The following LAMB4 variants were observed in gnomAD, a reference collection of about 807,000 sequenced individuals.
LAMB4 encodes laminin subunit beta-4.
LAMB4 carries 196 observed loss-of-function variants against 199.2 expected under a neutral mutation model. The observed-to-expected ratio is 0.98, with a 90% confidence interval of 0.88 to 1.11. The LOEUF is 1.11. LAMB4 is among the 50% of genes least tolerant of loss of function. The pLI, the probability that LAMB4 is intolerant of heterozygous loss-of-function variation, is 0.00. For synonymous variants in LAMB4, 744 were observed against 770.6 expected, an observed-to-expected ratio of 0.97 and a Z score of 0.57; for missense variants, 2,080 against 2,171.2, an observed-to-expected ratio of 0.96 and a Z score of 0.83.
chr7:108,121,515 C>T (rs1005998265), intron 2 of LAMB4, among the ~76,000 whole-genome samples: 3 of 152,088 alleles, frequency 2.0e-5, no homozygotes, highest in South Asian at 2.1e-4. Flanking sequence ...TTTGGGAGGC[C>T]GAGGTGGGTG....
At chr7:108,047,782 C>G in intron 28 of LAMB4, 126 bp downstream of exon 28, 1 of 732,268 alleles carries the variant, frequency 1.4e-6, no homozygotes, top group Non-Finnish European at 2.3e-6. Context: ...TATTTCCAGG[C>G]ACAAGAACAC....
intron 11 of LAMB4, among the ~76,000 whole-genome samples, chr7:108,096,939 C>CAAAAAAAAAAA (rs746917278): frequency 1.9e-5 from 1 of 52,822 alleles, no homozygotes; most frequent in Non-Finnish European, 3.3e-5. Context: ...CTGTCTCTCT[C>CAAAAAAAAAAA]AAAAAAAAAA....
At chr7:108,107,879 A>C (rs552664251) in intron 5 of LAMB4, 60 bp from the exon 6 acceptor site, 2 of 1,122,484 alleles carry the variant, frequency 1.8e-6, no homozygotes, top group East Asian at 5.1e-5. Context: ...TATCAACTTC[A>C]GATTGAATAT....
At chr7:108,038,383 G>A (rs538569543) in intron 29 of LAMB4, among the ~76,000 whole-genome samples, 9 of 152,054 alleles carry the variant, frequency 5.9e-5, no homozygotes, top group Non-Finnish European at 1.0e-4. Flanking sequence ...GGATGGTCTC[G>A]ATCTCCTGAC....
At chr7:108,056,163 T>C (rs536365569) in intron 24 of LAMB4, among the ~76,000 whole-genome samples, 156 bp from the exon 25 acceptor site, 2 of 152,358 alleles carry the variant, frequency 1.3e-5, no homozygotes, top group African/African-American at 2.4e-5. Flanking sequence ...ATCTGTGCAA[T>C]AGCCATTATA....
chr7:108,079,628 G>A lies in LAMB4; in HGVS notation c.1860C>T (p.Phe620=), dbSNP rs773716302. 4 of 1,609,800 alleles carry A rather than the reference G, an allele frequency of 2.5e-6. No homozygotes were observed. The highest frequency in any genetic ancestry group is 2.2e-5 in the South Asian group (2 of 89,818). ...AVNNIPFPVD[F]TIAIHYETQS... ...GGGTTTCATAGTGAATGGCAATGGT[G>A]AAGTCCACAGGAAAGGGAATGTTGT... Residue 620 remains phenylalanine, a synonymous_variant, in exon 15 of 34, where the codon TTC becomes TTT. Coordinates refer to ENST00000388781, the MANE Select transcript of LAMB4 (RefSeq NM_007356.3).
chr7:108,036,764 G>C (rs1023436696), intron 30 of LAMB4, among the ~76,000 whole-genome samples: 2 of 151,922 alleles, frequency 1.3e-5, no homozygotes, highest in African/African-American at 4.8e-5. Flanking sequence ...AAAGGCAAGA[G>C]TTAGTTAACT....
intron 14 of LAMB4, among the ~76,000 whole-genome samples, chr7:108,081,962 T>G (rs1352475390): frequency 7.2e-5 from 11 of 152,130 alleles, no homozygotes. Context: ...GGGGGCATGT[T>G]TAAAGAGACT....
chr7:108,018,304 G>C, the LAMB4 span, among the ~76,000 whole-genome samples: 1 of 152,188 alleles, frequency 6.6e-6, no homozygotes, highest in African/African-American at 2.4e-5. Flanking sequence ...CATCACCCCA[G>C]GCCCTTGGTT....
chr7:108,012,503 T>C, the LAMB4 span, among the ~76,000 whole-genome samples: 1 of 152,238 alleles, frequency 6.6e-6, no homozygotes, highest in African/African-American at 2.4e-5. Context: ...TTGAAGAAAG[T>C]AGACTATAAG....
chr7:108,020,413 G>A (rs1436417872), downstream of LAMB4, among the ~76,000 whole-genome samples: 1 of 147,320 alleles, frequency 6.8e-6, no homozygotes, highest in Non-Finnish European at 1.5e-5. Context: ...AGAGGTTGCA[G>A]TGAGCCGAGA....
chr7:108,032,138 C>T (rs1188316798), intron 31 of LAMB4, among the ~76,000 whole-genome samples: 3 of 151,962 alleles, frequency 2.0e-5, no homozygotes, highest in African/African-American at 7.3e-5. Context: ...GCCTGTAATC[C>T]CAGGACTTTG....
In LAMB4 at chr7:108,105,925, A is replaced by G. The variant is rs767554474; in HGVS notation, c.762T>C (p.Tyr254=). The stretch of plus-strand genomic sequence containing the variant: ...CCCGAACAATCATCTCGTACAGAGC[A>G]TAGTAGTATTTATCAAGGGAATCAT... The part of the protein sequence containing the change: ...RQNDSLDKYY[Y]ALYEMIVRGS... Residue 254 remains tyrosine (Y), a synonymous_variant, in exon 8 of 34, where the codon TAT becomes TAC. Coordinates refer to ENST00000388781, the MANE Select transcript of LAMB4 (RefSeq NM_007356.3). 40 of 1,614,120 alleles carry G rather than the reference A, an allele frequency of 2.5e-5. No individual in the cohort carries two copies. The East Asian group carries it at 8.9e-4, about 36-fold the overall frequency.
chr7:108,037,540 A>T lies in LAMB4; in HGVS notation c.4527T>A (p.Ile1509=). 3 of 1,614,146 alleles carry T rather than the reference A, an allele frequency of 1.9e-6. No individual in the cohort carries two copies. The highest frequency in any genetic ancestry group is 2.5e-6 in the Non-Finnish European group (3 of 1,180,028). Reference sequence around the variant, plus strand: ...GATTTTGGGATGGAATTGGTAGGTGAATGTCAAGCACACCATTCGCAACCT... The same window carrying T: ...GATTTTGGGATGGAATTGGTAGGTGTATGTCAAGCACACCATTCGCAACCT... ...IEKVANGVLD[I]HLPIPSQNLT... is the part of the protein sequence containing the mutation. The change falls in exon 30 of 34, where the codon ATT becomes ATA. Residue 1509 remains isoleucine (I), a synonymous_variant. Transcript: ENST00000388781.
intron 11 of LAMB4, 26 bp downstream of exon 11, chr7:108,098,377 C>CCCA: frequency 2.0e-6 from 3 of 1,480,054 alleles, no homozygotes; most frequent in Non-Finnish European, 2.7e-6. Flanking sequence ...GATGGACACT[C>CCCA]CCCCGACCCC....
intron 17 of LAMB4, among the ~76,000 whole-genome samples, chr7:108,076,660 T>G (rs2036714875): frequency 6.6e-6 from 1 of 152,128 alleles, no homozygotes. Context: ...ACTAGCTCTG[T>G]GACCCTGTCA....
intron 31 of LAMB4, among the ~76,000 whole-genome samples, chr7:108,032,695 C>CGTGTGTGTGT (rs3050225): frequency 2.1e-4 from 31 of 144,616 alleles, no homozygotes; most frequent in East Asian, 1.7e-3. Context: ...TGTGTGTTTG[C>CGTGTGTGTGT]GTGTGTGTGT....
chr7:108,078,532 C>T (rs1442154307), intron 15 of LAMB4, among the ~76,000 whole-genome samples: 3 of 152,200 alleles, frequency 2.0e-5, no homozygotes, highest in Admixed American at 6.5e-5. Flanking sequence ...AGCATTGTTT[C>T]TCATGGGCTC....
chr7:108,074,930 T>C (rs1030763515), intron 17 of LAMB4, among the ~76,000 whole-genome samples: 5 of 152,166 alleles, frequency 3.3e-5, no homozygotes, highest in African/African-American at 9.7e-5. Flanking sequence ...AGTTTAGAAA[T>C]ATTTAGGATA....
Sources: gnomAD v4.1 joint callset for allele counts (sites outside exome capture counted in the v4.1 genomes callset) on GRCh38, gnomAD v4.1.1 for gene constraint, MANE v1.5 for transcripts, NCBI Gene and HGNC (gene_info 2026-07-23, HGNC 2026-07-21) for gene names.